Variants in NSUN4 observed in about 807,000 individuals in gnomAD.
The protein encoded by NSUN4 is 5-cytosine rRNA methyltransferase NSUN4.
Under a neutral mutation model 43.8 loss-of-function variants are expected in NSUN4, and 31 were observed. That is an observed-to-expected ratio of 0.71 (90% CI 0.53 to 0.96). NSUN4 has a LOEUF of 0.96. Ranked by LOEUF, NSUN4 falls within the 40% of genes least tolerant of loss-of-function variation. The pLI is 0.00. For synonymous variants in NSUN4, 167 were observed against 184.1 expected (o/e 0.91, Z 0.75); for missense variants, 439 against 475.6 (o/e 0.92, Z 0.72).
downstream of NSUN4, among the ~76,000 whole-genome samples, chr1:46,367,820 C>T (rs929874834): frequency 6.8e-6 from 1 of 146,416 alleles, no homozygotes; most frequent in East Asian, 2.0e-4. Flanking sequence ...GGTGGAGTGC[C>T]GTGGTGTGAT....
At chr1:46,359,463 T>A (rs955042029) in intron 4 of NSUN4, among the ~76,000 whole-genome samples, 1 of 150,100 alleles carries the variant, frequency 6.7e-6, no homozygotes, top group African/African-American at 2.4e-5. Context: ...TACTGCTACC[T>A]CCGCCTCCCA....
chr1:46,360,765 T>C lies in NSUN4; in HGVS notation c.815T>C (p.Ile272Thr). ...TCCCTTCATGAGGAGGAGAACAACA[T>C]CTTTAAGCGGTCAAGGAAGAAGGAG... Reference protein sequence around the residue: ...RHSLHEEENNIFKRSRKKERQ... With the variant: ...RHSLHEEENNTFKRSRKKERQ... Residue 272 changes from isoleucine to threonine, a missense_variant, in exon 5 of 6, where the codon ATC becomes ACC. Coordinates refer to ENST00000474844, the MANE Select transcript of NSUN4 (RefSeq NM_199044.4). The C allele has an allele frequency of 6.2e-7, 1 of 1,614,010 alleles. No individual in the cohort carries two copies. The highest frequency in any genetic ancestry group is 8.5e-7 in the Non-Finnish European group (1 of 1,179,920).
intron 4 of NSUN4, among the ~76,000 whole-genome samples, chr1:46,357,000 G>A (rs1663428429): frequency 6.6e-6 from 1 of 152,186 alleles, no homozygotes; most frequent in African/African-American, 2.4e-5. Context: ...CTGAGATTCA[G>A]TGGGAGCACT....
the NSUN4 span, chr1:46,370,505 G>A: frequency 6.7e-6 from 1 of 149,086 alleles, no homozygotes; most frequent in Admixed American, 6.6e-5. Flanking sequence ...ATAGCCACGT[G>A]ACTTGCTTTA....
At chr1:46,376,755 CACTT>C in the NSUN4 span, among the ~76,000 whole-genome samples, 1 of 151,578 alleles carries the variant, frequency 6.6e-6, no homozygotes, top group Non-Finnish European at 1.5e-5. Context: ...TATAGAAACA[CACTT>C]ACTAGGTTTT....
chr1:46,361,176 C>A (rs1184953657), intron 5 of NSUN4, among the ~76,000 whole-genome samples: 2 of 151,890 alleles, frequency 1.3e-5, no homozygotes, highest in African/African-American at 2.4e-5. Context: ...AAAAAAGCAA[C>A]CCTATCTAGT....
the NSUN4 span, among the ~76,000 whole-genome samples, chr1:46,371,454 T>C: frequency 3.3e-5 from 5 of 152,054 alleles, no homozygotes; most frequent in Non-Finnish European, 7.4e-5. Flanking sequence ...TACAGGTGCC[T>C]GCCTCCACGC....
downstream of NSUN4, among the ~76,000 whole-genome samples, chr1:46,367,603 C>T (rs1455261164): frequency 1.3e-5 from 2 of 152,112 alleles, no homozygotes; most frequent in African/African-American, 2.4e-5. Context: ...TGGTGTTAGA[C>T]AGCAATCTTT....
chr1:46,370,748 A>T, the NSUN4 span: 2 of 152,360 alleles, frequency 1.3e-5, no homozygotes, highest in African/African-American at 4.8e-5. Context: ...TTTCCATGGG[A>T]ATGAGTTTAA....
At chr1:46,360,249 A>AAAAAAAAAATATATATATAT (rs1553177947) in intron 4 of NSUN4, among the ~76,000 whole-genome samples, 5 of 25,768 alleles carry the variant, frequency 1.9e-4, no homozygotes, top group Non-Finnish European at 3.6e-4. Context: ...AAAAAAAAAA[A>AAAAAAAAAATATATATATAT]ATATATATAT....
chr1:46,341,051 C>A (rs1014974016), intron 1 of NSUN4, 132 bp downstream of exon 1: 3 of 1,121,198 alleles, frequency 2.7e-6, no homozygotes, highest in Admixed American at 6.0e-5. Context: ...GCACCTCCCT[C>A]TCTCGTCTTT....
At chr1:46,346,188 G>A (rs1290302846) in intron 2 of NSUN4, among the ~76,000 whole-genome samples, 1 of 149,970 alleles carries the variant, frequency 6.7e-6, no homozygotes, top group African/African-American at 2.5e-5. Flanking sequence ...CCAAATGCTA[G>A]GCATTTAAGT....
At chr1:46,342,599 T>TC (rs1416992223) in intron 1 of NSUN4, 5 of 399,012 alleles carry the variant, frequency 1.3e-5, no homozygotes, top group African/African-American at 1.0e-4. Context: ...CAACTTCTGG[T>TC]CCCCCCTGTT....
At chr1:46,354,873 G>A (rs576881704) in intron 4 of NSUN4, among the ~76,000 whole-genome samples, 91 of 152,236 alleles carry the variant, frequency 6.0e-4, no homozygotes, top group South Asian at 3.3e-3. Flanking sequence ...GTTTCACCAT[G>A]TTGGTCAGAC....
At chr1:46,372,301 C>T in the NSUN4 span, among the ~76,000 whole-genome samples, 8 of 151,772 alleles carry the variant, frequency 5.3e-5, no homozygotes, top group Admixed American at 2.0e-4. Flanking sequence ...CCACCACGCC[C>T]GGCTGGTTTT....
intron 5 of NSUN4, among the ~76,000 whole-genome samples, chr1:46,361,039 CAG>C (rs912620676): frequency 2.6e-5 from 4 of 152,154 alleles, no homozygotes; most frequent in African/African-American, 9.7e-5. Flanking sequence ...CCCAGCTACT[CAG>C]GGGGCTGAGG....
intron 3 of NSUN4, among the ~76,000 whole-genome samples, chr1:46,349,289 G>A (rs1007585574): frequency 2.0e-5 from 3 of 151,760 alleles, no homozygotes; most frequent in South Asian, 2.1e-4. Context: ...ACGGGCACCC[G>A]CCACCATGCC....
At chr1:46,383,546 C>T in the NSUN4 span, among the ~76,000 whole-genome samples, 15 of 150,996 alleles carry the variant, frequency 9.9e-5, 1 homozygote, top group Admixed American at 4.0e-4. Context: ...AGCTCCGCCT[C>T]CCGGGTTCAC....
At chr1:46,348,657 T>C (rs111699884) in intron 3 of NSUN4, among the ~76,000 whole-genome samples, 32,469 of 136,418 alleles carry the variant, frequency 0.24, 4,115 homozygotes, top group Middle Eastern at 0.31. Context: ...TGCAGTGAGC[T>C]GAGATCACGC....
Sources: allele counts gnomAD v4.1 joint callset (sites outside exome capture counted in the v4.1 genomes callset), GRCh38; gene constraint gnomAD v4.1.1; transcripts MANE v1.5; gene names NCBI Gene and HGNC (gene_info 2026-07-23, HGNC 2026-07-21).